ANKS6: variants seen among roughly 807,000 people sequenced by gnomAD.
ANKS6 encodes ankyrin repeat and SAM domain-containing protein 6.
A neutral mutation model predicts 77.9 loss-of-function variants in ANKS6; 47 were observed. That is an observed-to-expected ratio of 0.60 (90% CI 0.48 to 0.77). The LOEUF (loss-of-function observed/expected upper bound fraction) is 0.77, where lower values mean the gene tolerates loss of function less well. Ranked by LOEUF, ANKS6 falls within the 30% of genes least tolerant of loss-of-function variation. The pLI, the probability that ANKS6 is intolerant of heterozygous loss-of-function variation, is 0.00. For synonymous variants in ANKS6, 488 were observed against 501.7 expected (o/e 0.97, Z 0.37); for missense variants, 1,150 against 1,159.1 (o/e 0.99, Z 0.11).
In ANKS6 at chr9:98,736,408, G is replaced by C. The variant is rs1564168693; in HGVS notation, c.*111C>G. On this transcript the variant is annotated 3_prime_UTR_variant, in exon 15 of 15. Transcript: ENST00000353234. ...GTGAAGTGGGCATCCCGAGCAAAGG[G>C]AACAACATGACTAAGGCACAGCAGT... The C allele has an allele frequency of 1.4e-6, 2 of 1,444,196 alleles. No homozygotes were observed. Among genetic ancestry groups the C allele is most frequent in the Admixed American group, 2.8e-5 (1 of 35,148 alleles). 89.5% of individuals were successfully genotyped at this position (1,444,196 alleles called of 1,614,324 possible).
At position 98,768,122 on chromosome 9, in the gene ANKS6, G is replaced by A; in HGVS notation, c.2101C>T (p.Leu701Phe). 1.2e-6 allele frequency: 2 copies of A among 1,612,832 alleles called. No homozygotes were observed. Among genetic ancestry groups the A allele is most frequent in the Non-Finnish European group, 8.5e-7 (1 of 1,179,634 alleles). ...CTGCCACCTGCAGGGGAGGCTGGAAGCTCAGACGGGCTGGACCCCGGTGCT... is the reference window on the plus strand; with the variant it reads ...CTGCCACCTGCAGGGGAGGCTGGAAACTCAGACGGGCTGGACCCCGGTGCT... ...GPAPGSSPSE[L>F]PASPAGGSAP... is the part of the protein sequence containing the mutation. The change falls in exon 11 of 15, where the codon CTT (leucine) becomes TTT (phenylalanine). Residue 701 changes from leucine to phenylalanine, a missense_variant. By Grantham distance (22) the Leu-to-Phe change is conservative. Transcript: ENST00000353234.
At chr9:98,774,574 A>T (rs919508345) in intron 8 of ANKS6, among the ~76,000 whole-genome samples, 1 of 152,130 alleles carries the variant, frequency 6.6e-6, no homozygotes, top group Non-Finnish European at 1.5e-5. Flanking sequence ...CTGCAAGGAG[A>T]CCAGCATGAG....
In ANKS6 at chr9:98,732,670, T is replaced by C. The variant is rs776324134; in HGVS notation, c.*3849A>G. Reference sequence around the variant, plus strand: ...CCGCTCCACAGTGTGAAAAGGGCTTTCTCACTTTCACATGATCCCTGGGGG... The same window carrying C: ...CCGCTCCACAGTGTGAAAAGGGCTTCCTCACTTTCACATGATCCCTGGGGG... On this transcript the variant is annotated 3_prime_UTR_variant, in exon 15 of 15. Coordinates refer to ENST00000353234, the MANE Select transcript of ANKS6 (RefSeq NM_173551.5). 133 of 1,500,924 alleles carry C rather than the reference T, an allele frequency of 8.9e-5. No individual in the cohort carries two copies. The highest frequency in any genetic ancestry group is 1.1e-4 in the Non-Finnish European group (124 of 1,125,658). The allele number at this position is 1,500,924 out of a possible 1,614,324, so 93.0% of individuals were successfully genotyped here.
chr9:98,750,308 T>C (rs1832359590), intron 13 of ANKS6, among the ~76,000 whole-genome samples: 1 of 152,222 alleles, frequency 6.6e-6, no homozygotes, highest in South Asian at 2.1e-4. Flanking sequence ...TTCTTCCACT[T>C]AGCAAGATGT....
intron 11 of ANKS6, among the ~76,000 whole-genome samples, chr9:98,758,681 G>A (rs895685879): frequency 3.3e-5 from 5 of 152,208 alleles, no homozygotes; most frequent in African/African-American, 4.8e-5. Context: ...GATTCATACC[G>A]ATACCTCTGA....
At chr9:98,746,014 A>C (rs768934209) in intron 13 of ANKS6, 2 of 311,496 alleles carry the variant, frequency 6.4e-6, no homozygotes, top group Non-Finnish European at 1.2e-5. Flanking sequence ...ATGTTGCTGT[A>C]CTTTTAACAA....
chr9:98,753,539 G>A (rs1832539071), intron 12 of ANKS6, among the ~76,000 whole-genome samples: 1 of 151,850 alleles, frequency 6.6e-6, no homozygotes, highest in Non-Finnish European at 1.5e-5. Context: ...CGGATTGCTT[G>A]AGACCAGGGA....
chr9:98,744,483 G>A (rs915177089), intron 14 of ANKS6, among the ~76,000 whole-genome samples: 1 of 152,202 alleles, frequency 6.6e-6, no homozygotes, highest in Non-Finnish European at 1.5e-5. Context: ...CAAGGTAAGT[G>A]TAAGGACATC....
In ANKS6 at chr9:98,784,086, C is replaced by G; in HGVS notation, c.979G>C (p.Ala327Pro). The G allele has an allele frequency of 6.2e-7, 1 of 1,601,266 alleles. No homozygotes were observed. The highest frequency in any genetic ancestry group is 8.5e-7 in the Non-Finnish European group (1 of 1,173,102). ...SHVNLVNGDG[A>P]TPLMLAAVTG... is the part of the protein sequence containing the mutation. ...ACAGCTGCTAGCATCAGTGGCGTCG[C>G]CCCGTCCCCATTGACCAAGTTCACG... The change falls in exon 4 of 15, where the codon GCG becomes CCG. Residue 327 changes from alanine (A) to proline (P), a missense_variant. Transcript: ENST00000353234.
chr9:98,736,089 T>G lies in ANKS6; in HGVS notation c.*430A>C, dbSNP rs1831482838. On this transcript the variant is annotated 3_prime_UTR_variant, in exon 15 of 15. Transcript: ENST00000353234. ...TCCTCTGCATCCAGGTGGGGCCACA[T>G]GACTACCAGTGGCCAAGAGGACGTG... is the stretch of plus-strand genomic sequence containing the variant. 6 of 1,160,008 alleles carry G rather than the reference T, an allele frequency of 5.2e-6. No individual in the cohort carries two copies. In the Admixed American group the frequency reaches 1.7e-4, roughly 32 times the overall value. 71.9% of individuals were successfully genotyped at this position (1,160,008 alleles called of 1,614,324 possible). A position where few individuals can be genotyped will look rare whatever the true frequency, so the allele number is the denominator to read the frequency against.
chr9:98,774,918 T>G (rs1034269347), intron 8 of ANKS6, among the ~76,000 whole-genome samples: 2 of 152,166 alleles, frequency 1.3e-5, no homozygotes, highest in African/African-American at 4.8e-5. Context: ...ATCTCCACAC[T>G]GATGGCTGCA....
rs907175503 is a variant in ANKS6, at chr9:98,732,796, AG to A, written c.*3722del. ...TAGGTCTATGTCCAGTGCTCTTTCC[AG>A]GGTAACAGGTTGCTTCTACTCATTT... On this transcript the variant is annotated 3_prime_UTR_variant, in exon 15 of 15. Coordinates refer to ENST00000353234, the MANE Select transcript of ANKS6 (RefSeq NM_173551.5). The A allele has an allele frequency of 2.2e-6, 3 of 1,347,696 alleles. No individual in the cohort carries two copies. The highest frequency in any genetic ancestry group is 2.9e-5 in the African/African-American group (2 of 68,102). The allele number at this position is 1,347,696 out of a possible 1,614,324, so 83.5% of individuals were successfully genotyped here.
In ANKS6 at chr9:98,784,423, G is replaced by A. The variant is rs1232655687; in HGVS notation, c.908-266C>T. On this transcript the variant is annotated intron_variant, in intron 3 of 14. Coordinates refer to ENST00000353234, the MANE Select transcript of ANKS6 (RefSeq NM_173551.5). ...TTAGTGTCTTCAGAGAACGGATGAA[G>A]GAGACAGAAGAAGACAGAAGGAGAG... 9 of 383,822 alleles carry A rather than the reference G, an allele frequency of 2.3e-5. No homozygotes were observed. The Middle Eastern group carries it at 1.9e-3, about 82-fold the overall frequency. The allele number at this position is 383,822 out of a possible 1,614,324, so 23.8% of individuals were successfully genotyped here.
At chr9:98,744,667 T>G (rs1321631810) in intron 14 of ANKS6, among the ~76,000 whole-genome samples, 1 of 151,768 alleles carries the variant, frequency 6.6e-6, no homozygotes, top group Non-Finnish European at 1.5e-5. Flanking sequence ...CTCTCTGATA[T>G]CTCCACATAT....
At position 98,796,460 on chromosome 9, in the gene ANKS6, T is replaced by TGG; in HGVS notation, c.30_31dup (p.Gln11ProfsTer115). On this transcript the variant is annotated frameshift_variant, in exon 1 of 15. Coordinates refer to ENST00000353234, the MANE Select transcript of ANKS6 (RefSeq NM_173551.5). LOFTEE classifies it high-confidence loss of function. ...CTGGTCACACGCGCGCAGCAGCAGCTGGAAGGCCGGGGGCAGCCCGCCCTC... is the reference window on the plus strand; with the variant it reads ...CTGGTCACACGCGCGCAGCAGCAGCTGGGGAAGGCCGGGGGCAGCCCGCCCTC... The TGG allele has an allele frequency of 3.0e-6, 3 of 993,412 alleles. No individual in the cohort carries two copies. The highest frequency in any genetic ancestry group is 3.6e-6 in the Non-Finnish European group (3 of 837,282). The allele number at this position is 993,412 out of a possible 1,614,324, so 61.5% of individuals were successfully genotyped here.
Position 98,771,404 on chromosome 9 carries a change from G to A in ANKS6, c.1822-358C>T, listed in dbSNP as rs139976882. ...GACAAAATCCAGCCCCCTCAGCACC[G>A]CCGGGCACAGTGACCAGCACCCCAG... On this transcript the variant is annotated intron_variant, in intron 9 of 14. Transcript: ENST00000353234. Among the ~76,000 whole-genome samples, 486 of 152,252 alleles carry A rather than the reference G, an allele frequency of 3.2e-3. 3 individuals are homozygous for A. Among genetic ancestry groups the A allele is most frequent in the Non-Finnish European group, 5.5e-3 (374 of 68,008 alleles).
chr9:98,736,508 G>A lies in ANKS6; in HGVS notation c.*11C>T, dbSNP rs557412552. 1.1e-5 allele frequency: 17 copies of A among 1,602,064 alleles called. No individual in the cohort carries two copies. The East Asian group carries it at 2.0e-4, about 19-fold the overall frequency. ...TCAGAGAGCTCACGCTGGTGGCTGC[G>A]GGAAGGAGGATCACGCACAGGGGCT... is the stretch of plus-strand genomic sequence containing the variant. On this transcript the variant is annotated 3_prime_UTR_variant, in exon 15 of 15. Coordinates refer to ENST00000353234, the MANE Select transcript of ANKS6 (RefSeq NM_173551.5).
intron 3 of ANKS6, chr9:98,784,507 C>T: frequency 2.4e-6 from 1 of 408,790 alleles, no homozygotes; most frequent in South Asian, 5.9e-5. Flanking sequence ...GGGTCTATAT[C>T]AAGAGAGAAA....
At chr9:98,738,078 A>G (rs563686293) in intron 14 of ANKS6, among the ~76,000 whole-genome samples, 5 of 152,382 alleles carry the variant, frequency 3.3e-5, no homozygotes, top group Admixed American at 1.3e-4. Flanking sequence ...TTATTCAAAA[A>G]TCAACTCAAG....
Sources: allele counts gnomAD v4.1 joint callset (sites outside exome capture counted in the v4.1 genomes callset), GRCh38; gene constraint gnomAD v4.1.1; transcripts MANE v1.5; gene names NCBI Gene and HGNC (gene_info 2026-07-23, HGNC 2026-07-21).